OPHN1: variants seen among roughly 807,000 people sequenced by gnomAD.
The protein encoded by OPHN1 is oligophrenin-1.
In OPHN1, 11 loss-of-function variants were observed where a neutral mutation model predicts 60.7. That is an observed-to-expected ratio of 0.18 (90% CI 0.11 to 0.30). The LOEUF is 0.30. Ranked by LOEUF, OPHN1 falls within the 10% of genes least tolerant of loss-of-function variation. OPHN1 has a pLI of 1.00. For missense variants in OPHN1, 449 were observed against 611.0 expected, an observed-to-expected ratio of 0.73 and a Z score of 2.80; for synonymous variants, 226 against 222.6, an observed-to-expected ratio of 1.02 and a Z score of -0.14.
chrX:68,234,676 GT>G (rs1336408914), intron 5 of OPHN1, 88 bp from the exon 6 acceptor site: 6 of 720,655 alleles, frequency 8.3e-6, no homozygotes, highest in Non-Finnish European at 1.3e-5. Context: ...ATAGTGTCAG[GT>G]TTCAGGTGGT....
chrX:68,260,704 C>T (rs1029986777), intron 5 of OPHN1, among the ~76,000 whole-genome samples: 1 of 111,816 alleles, frequency 8.9e-6, no homozygotes, highest in Non-Finnish European at 1.9e-5. Flanking sequence ...AAATCACTTA[C>T]GGATTACTGT....
intron 15 of OPHN1, among the ~76,000 whole-genome samples, chrX:68,165,993 T>C (rs1213515549): frequency 2.7e-5 from 3 of 112,222 alleles, no homozygotes; most frequent in Non-Finnish European, 5.6e-5. Context: ...TATAATCACA[T>C]GAACAACTGC....
chrX:68,053,648 G>C lies in OPHN1; in HGVS notation c.2321C>G (p.Ser774Cys). The C allele has an allele frequency of 8.3e-7, 1 of 1,210,981 alleles. No homozygotes were observed. Among genetic ancestry groups the C allele is most frequent in the Non-Finnish European group, 1.1e-6 (1 of 895,058 alleles). The change falls in exon 22 of 25, where the codon TCT (serine) becomes TGT (cysteine). Residue 774 changes from serine (S) to cysteine (C), a missense_variant. Ser to Cys is a moderately radical substitution (Grantham distance 112). Coordinates refer to ENST00000355520, the MANE Select transcript of OPHN1 (RefSeq NM_002547.3). ...TTTGAGGTACAACCCTACTTACACA[G>C]ATGATGTGATTTCCCCCGCATTGCC... ...VAGNAGEITS[S>C]VVASRTRFFE...
In OPHN1 at chrX:68,426,269, C is replaced by T. The variant is rs1602413161; in HGVS notation, c.154+6598G>A. Among the ~76,000 whole-genome samples the T allele has an allele frequency of 4.6e-5, 5 of 109,640 alleles. No individual in the cohort carries two copies. In the South Asian group the frequency reaches 2.0e-3, roughly 43 times the overall value. On this transcript the variant is annotated intron_variant, in intron 2 of 24. Coordinates refer to ENST00000355520, the MANE Select transcript of OPHN1 (RefSeq NM_002547.3). ...CAGCCTGGTCAGCATGGTGAAACCC[C>T]GTCTCTACTAAAAATACAAATATTA...
chrX:68,339,185 G>A (rs1469296905), intron 2 of OPHN1, among the ~76,000 whole-genome samples: 3 of 108,205 alleles, frequency 2.8e-5, no homozygotes, highest in Non-Finnish European at 5.7e-5. Flanking sequence ...TTCACCAGAT[G>A]TAGATTAAGT....
At chrX:68,069,325 T>C (rs867369445) in intron 20 of OPHN1, among the ~76,000 whole-genome samples, 2 of 111,195 alleles carry the variant, frequency 1.8e-5, no homozygotes, top group Middle Eastern at 4.7e-3. Context: ...TTGGATATAG[T>C]AAAAAAAACA....
At chrX:68,390,809 T>G (rs2078650091) in intron 2 of OPHN1, among the ~76,000 whole-genome samples, 2 of 111,891 alleles carry the variant, frequency 1.8e-5, no homozygotes, top group African/African-American at 6.5e-5. Flanking sequence ...CATGAAGGAA[T>G]GCTTATTAAA....
At chrX:68,378,913 C>T (rs1335005946) in intron 2 of OPHN1, among the ~76,000 whole-genome samples, 140 of 111,100 alleles carry the variant, frequency 1.3e-3, no homozygotes, top group Non-Finnish European at 2.1e-3. Context: ...CTTGGCAATG[C>T]GGGCTCTTTT....
At chrX:68,264,241 A>C (rs748648567) in intron 5 of OPHN1, among the ~76,000 whole-genome samples, 97 of 111,548 alleles carry the variant, frequency 8.7e-4, no homozygotes, top group African/African-American at 2.7e-3. Context: ...GCAACAAAAG[A>C]CAAAATTGAC....
chrX:68,412,603 T>C (rs765307704), intron 2 of OPHN1, among the ~76,000 whole-genome samples: 6 of 112,120 alleles, frequency 5.4e-5, no homozygotes, highest in Non-Finnish European at 1.1e-4. Context: ...TTAATCCCAC[T>C]GAACCAAAGA....
intron 15 of OPHN1, among the ~76,000 whole-genome samples, chrX:68,182,585 G>A (rs1049994002): frequency 1.8e-5 from 2 of 111,448 alleles, no homozygotes; most frequent in African/African-American, 6.5e-5. Flanking sequence ...AATGGGCCTA[G>A]GGAACTCCAT....
At chrX:68,279,428 A>C (rs1179476169) in intron 4 of OPHN1, among the ~76,000 whole-genome samples, 2 of 109,371 alleles carry the variant, frequency 1.8e-5, no homozygotes, top group Non-Finnish European at 3.8e-5. Flanking sequence ...TATACTTTTG[A>C]GAACATCACA....
At chrX:68,065,502 C>T (rs1024348616) in intron 20 of OPHN1, among the ~76,000 whole-genome samples, 6 of 111,387 alleles carry the variant, frequency 5.4e-5, no homozygotes, top group South Asian at 3.8e-4. Flanking sequence ...GAGTTCAATA[C>T]GTTTGTTTCC....
At chrX:68,351,582 G>A (rs1170981150) in intron 2 of OPHN1, among the ~76,000 whole-genome samples, 2 of 111,872 alleles carry the variant, frequency 1.8e-5, no homozygotes, top group Non-Finnish European at 3.8e-5. Flanking sequence ...CTCTCATCCA[G>A]CCGTGGGACA....
intron 2 of OPHN1, among the ~76,000 whole-genome samples, chrX:68,370,484 G>A (rs1327292023): frequency 9.5e-6 from 1 of 105,703 alleles, no homozygotes; most frequent in East Asian, 3.0e-4. Flanking sequence ...TCAAGCCTGG[G>A]CAATGGAGTG....
intron 15 of OPHN1, among the ~76,000 whole-genome samples, chrX:68,182,268 G>A (rs2077441650): frequency 9.8e-6 from 1 of 101,790 alleles, no homozygotes; most frequent in Non-Finnish European, 2.0e-5. Flanking sequence ...ACCCACTGAG[G>A]GGGTCCTACC....
intron 15 of OPHN1, among the ~76,000 whole-genome samples, chrX:68,183,951 C>T (rs2077450087): frequency 8.9e-6 from 1 of 111,754 alleles, no homozygotes. Flanking sequence ...AATATAAAGG[C>T]ATAACAAATA....
At chrX:68,339,900 G>A (rs1469804882) in intron 2 of OPHN1, among the ~76,000 whole-genome samples, 1 of 112,104 alleles carries the variant, frequency 8.9e-6, no homozygotes, top group East Asian at 2.8e-4. Flanking sequence ...ACTGCACCGG[G>A]CCACAAATTG....
chrX:68,175,799 C>G (rs1338573792), intron 15 of OPHN1, among the ~76,000 whole-genome samples: 1 of 111,870 alleles, frequency 8.9e-6, no homozygotes, highest in African/African-American at 3.2e-5. Context: ...AAGACATTCC[C>G]TAATGGTCTG....
Sources: allele counts gnomAD v4.1 joint callset (sites outside exome capture counted in the v4.1 genomes callset), GRCh38; gene constraint gnomAD v4.1.1; transcripts MANE v1.5; gene names NCBI Gene and HGNC (gene_info 2026-07-23, HGNC 2026-07-21).